Variants in SUPT3H observed in about 807,000 individuals in gnomAD.
SUPT3H encodes the protein SPT3 homolog, SAGA and STAGA complex component.
SUPT3H carries 44 observed loss-of-function variants against 44.3 expected under a neutral mutation model. The observed-to-expected ratio is 0.99, with a 90% CI of 0.78 to 1.28. The LOEUF (loss-of-function observed/expected upper bound fraction) is 1.28, where lower values mean the gene tolerates loss of function less well. Among genes scored for constraint, SUPT3H ranks in the 50% most tolerant of loss-of-function variants. The pLI, the probability that SUPT3H is intolerant of heterozygous loss-of-function variation, is 0.00. For missense variants in SUPT3H, 380 were observed against 387.1 expected, an observed-to-expected ratio of 0.98 and a Z score of 0.15; for synonymous variants, 124 against 125.6, an observed-to-expected ratio of 0.99 and a Z score of 0.09.
intron 2 of SUPT3H, among the ~76,000 whole-genome samples, chr6:45,155,830 T>C (rs1039603437): frequency 2.6e-5 from 4 of 152,118 alleles, no homozygotes; most frequent in East Asian, 3.8e-4. Context: ...TGGAGCTAAC[T>C]TGAAGCTACT....
At position 44,996,340 on chromosome 6, in the gene SUPT3H, C is replaced by T. The variant is rs567954186; in HGVS notation, c.504+7313G>A. Among the ~76,000 whole-genome samples the T allele has an allele frequency of 3.4e-4, 51 of 151,614 alleles. 1 individual carries two copies. In the South Asian group the frequency reaches 9.4e-3, roughly 28 times the overall value. ...GTTTTTCATATCCTTTGCCAATTTTCCTACTAGAATGTTCTTACTGATTTT... is the reference window on the plus strand; with the variant it reads ...GTTTTTCATATCCTTTGCCAATTTTTCTACTAGAATGTTCTTACTGATTTT... On this transcript the variant is annotated intron_variant, in intron 6 of 10. Transcript: ENST00000371459.
chr6:45,001,337 T>C (rs1214056491), intron 6 of SUPT3H, among the ~76,000 whole-genome samples: 1 of 152,090 alleles, frequency 6.6e-6, no homozygotes. Flanking sequence ...CATGGATCTC[T>C]ACTATAGGTA....
chr6:45,253,705 A>C (rs1236832707), intron 2 of SUPT3H, among the ~76,000 whole-genome samples: 1 of 151,840 alleles, frequency 6.6e-6, no homozygotes, highest in African/African-American at 2.4e-5. Flanking sequence ...GAGCAGGAGA[A>C]TCACTTGAGT....
chr6:45,094,507 A>C (rs1476860073), intron 3 of SUPT3H, among the ~76,000 whole-genome samples: 1 of 150,654 alleles, frequency 6.6e-6, no homozygotes, highest in Non-Finnish European at 1.5e-5. Flanking sequence ...CTACAGCAGG[A>C]AAAAAATATG....
chr6:44,938,513 T>G (rs1193997186), intron 9 of SUPT3H, among the ~76,000 whole-genome samples: 1 of 152,196 alleles, frequency 6.6e-6, no homozygotes, highest in East Asian at 1.9e-4. Flanking sequence ...ATGTAATGTC[T>G]TCAGCTTTGT....
intron 6 of SUPT3H, among the ~76,000 whole-genome samples, chr6:44,982,849 A>G (rs1178217141): frequency 1.3e-5 from 2 of 152,232 alleles, no homozygotes; most frequent in African/African-American, 2.4e-5. Flanking sequence ...AAAGGATAGG[A>G]AAAACACCAC....
Position 45,002,483 on chromosome 6 carries a change from A to T in SUPT3H, c.504+1170T>A, listed in dbSNP as rs964394816. On this transcript the variant is annotated intron_variant, in intron 6 of 10. Transcript: ENST00000371459. ...CCATTTTTATAATATAAAAATATTT[A>T]AAAAATAAAGCATAAACAATATTTG... Among the ~76,000 whole-genome samples, 7 of 152,196 alleles carry T rather than the reference A, an allele frequency of 4.6e-5. No individual in the cohort carries two copies. The East Asian group carries it at 7.7e-4, about 17-fold the overall frequency.
At chr6:45,232,217 T>C (rs1334070510) in intron 2 of SUPT3H, among the ~76,000 whole-genome samples, 1 of 152,202 alleles carries the variant, frequency 6.6e-6, no homozygotes, top group Non-Finnish European at 1.5e-5. Context: ...GGGAGAACTT[T>C]TTCTGAAGAT....
intron 10 of SUPT3H, among the ~76,000 whole-genome samples, chr6:44,904,706 C>T (rs921482833): frequency 2.6e-5 from 4 of 152,044 alleles, no homozygotes; most frequent in South Asian, 2.1e-4. Flanking sequence ...GAGCTTGCAC[C>T]GCGAAGTCAA....
chr6:45,237,607 G>T (rs1300329243), intron 2 of SUPT3H, among the ~76,000 whole-genome samples: 1 of 152,128 alleles, frequency 6.6e-6, no homozygotes. Context: ...CCAAGGTTTA[G>T]GTTATCATTT....
Position 45,006,130 on chromosome 6 carries a change from G to A in SUPT3H, c.365-2338C>T, listed in dbSNP as rs375281362. Among the ~76,000 whole-genome samples the A allele has an allele frequency of 2.6e-5, 4 of 151,864 alleles. No homozygotes were observed. The South Asian group carries it at 8.3e-4, about 32-fold the overall frequency. Reference sequence around the variant, plus strand: ...AATGTTAAATTATAGCTTGCATGATGCTAATATTGCCACTTCCGCTTTCTT... The same window carrying A: ...AATGTTAAATTATAGCTTGCATGATACTAATATTGCCACTTCCGCTTTCTT... On this transcript the variant is annotated intron_variant, in intron 5 of 10. Coordinates refer to ENST00000371459, the MANE Select transcript of SUPT3H (RefSeq NM_003599.4).
intron 3 of SUPT3H, among the ~76,000 whole-genome samples, chr6:45,096,138 A>G (rs1207830611): frequency 2.6e-5 from 4 of 152,176 alleles, no homozygotes; most frequent in Non-Finnish European, 4.4e-5. Context: ...AACAAAATAA[A>G]GAAACTAAGA....
intron 10 of SUPT3H, among the ~76,000 whole-genome samples, chr6:44,906,480 G>T (rs1766099562): frequency 6.6e-6 from 1 of 152,118 alleles, no homozygotes; most frequent in Non-Finnish European, 1.5e-5. Flanking sequence ...AACAAAAGCA[G>T]TGGCTGGGCG....
At chr6:44,822,845 C>T (rs563708), downstream of SUPT3H, among the ~76,000 whole-genome samples, 3,112 of 151,630 alleles carry the variant, frequency 0.021, 41 homozygotes, top group Non-Finnish European at 0.033. Flanking sequence ...TGGCTGGGCA[C>T]GGTGGCTCAC....
intron 7 of SUPT3H, 149 bp downstream of exon 7, chr6:44,961,604 C>G: frequency 1.6e-6 from 1 of 633,810 alleles, no homozygotes; most frequent in Non-Finnish European, 2.8e-6. Flanking sequence ...TATAGGCTCC[C>G]CACAATGTAG....
intron 10 of SUPT3H, among the ~76,000 whole-genome samples, chr6:44,926,940 A>G (rs1356017342): frequency 6.6e-6 from 1 of 152,190 alleles, no homozygotes; most frequent in Non-Finnish European, 1.5e-5. Context: ...GTTTTCTAAG[A>G]ATTATTTTGG....
chr6:45,142,736 CAAAAAAAAAAAAAAAAA>C (rs70993502), intron 2 of SUPT3H, among the ~76,000 whole-genome samples: 1 of 14,960 alleles, frequency 6.7e-5, no homozygotes, highest in East Asian at 1.7e-3. Flanking sequence ...AACTCCGTCT[CAAAAAAAAAAAAAAAAA>C]AAAAAAAAAA....
At chr6:45,310,183 G>T (rs1405679277) in intron 2 of SUPT3H, among the ~76,000 whole-genome samples, 1 of 152,136 alleles carries the variant, frequency 6.6e-6, no homozygotes, top group East Asian at 1.9e-4. Context: ...CTGACAACCT[G>T]CATGACTCGG....
intron 7 of SUPT3H, among the ~76,000 whole-genome samples, chr6:44,957,565 T>C (rs1340684427): frequency 6.6e-6 from 1 of 152,104 alleles, no homozygotes; most frequent in African/African-American, 2.4e-5. Context: ...ATTTTGTGAC[T>C]GTGCTCTAAA....
Sources: allele counts gnomAD v4.1 joint callset (sites outside exome capture counted in the v4.1 genomes callset), GRCh38; gene constraint gnomAD v4.1.1; transcripts MANE v1.5; gene names NCBI Gene and HGNC (gene_info 2026-07-23, HGNC 2026-07-21).